The following CTDSPL variants were observed in gnomAD, a reference collection of about 807,000 sequenced individuals.
The protein encoded by CTDSPL is CTD small phosphatase-like protein.
Under a neutral mutation model 30.5 loss-of-function variants are expected in CTDSPL, and 8 were observed. The ratio of observed to expected loss-of-function variants is 0.26; its 90% confidence interval spans 0.15 to 0.47. The LOEUF is 0.47. Ranked by LOEUF, CTDSPL falls within the 20% of genes least tolerant of loss-of-function variation. The pLI is 0.99. For missense variants in CTDSPL, 248 were observed against 366.1 expected, an observed-to-expected ratio of 0.68 and a Z score of 2.63; for synonymous variants, 110 against 137.9, an observed-to-expected ratio of 0.80 and a Z score of 1.42.
At chr3:37,969,303 T>G in intron 5 of CTDSPL, 1 of 466,214 alleles carries the variant, frequency 2.1e-6, no homozygotes, top group South Asian at 1.6e-5. Context: ...CTGGCTGTGC[T>G]GTGATATCAC....
Position 37,975,273 on chromosome 3 carries a change from G to A in CTDSPL, c.520-436G>A, listed in dbSNP as rs1672705809. Among the ~76,000 whole-genome samples, 1 of 152,214 alleles carries A rather than the reference G, an allele frequency of 6.6e-6. No individual in the cohort carries two copies. The highest frequency in any genetic ancestry group is 2.4e-5 in the African/African-American group (1 of 41,456). Reference sequence around the variant, plus strand: ...GTGGGCCTTACTCCAAGTGCGGTGTGTAGACAGTGGAGAGTTTTCAGCAGA... The same window carrying A: ...GTGGGCCTTACTCCAAGTGCGGTGTATAGACAGTGGAGAGTTTTCAGCAGA... On this transcript the variant is annotated intron_variant, in intron 6 of 7. Coordinates refer to ENST00000273179, the MANE Select transcript of CTDSPL (RefSeq NM_001008392.2). The surrounding 1 kb of genome is among the most constrained non-coding windows in gnomAD (Gnocchi z 4.9).
chr3:37,892,709 A>G (rs893202180), intron 1 of CTDSPL, among the ~76,000 whole-genome samples: 1 of 152,182 alleles, frequency 6.6e-6, no homozygotes, highest in African/African-American at 2.4e-5. Flanking sequence ...TAAGCAGTTC[A>G]TTTAAACTCT....
chr3:37,920,937 C>T (rs1366003951), intron 1 of CTDSPL, among the ~76,000 whole-genome samples: 2 of 152,210 alleles, frequency 1.3e-5, no homozygotes, highest in Non-Finnish European at 2.9e-5. Flanking sequence ...CTCCTCAGCC[C>T]TATGGGCCAG....
At chr3:37,911,288 A>G (rs556510103) in intron 1 of CTDSPL, among the ~76,000 whole-genome samples, 4 of 152,366 alleles carry the variant, frequency 2.6e-5, no homozygotes, top group Admixed American at 6.5e-5. Flanking sequence ...CTCTAAGTTA[A>G]GAGGATAGTA....
chr3:37,939,792 C>T (rs1271567523), intron 1 of CTDSPL, among the ~76,000 whole-genome samples: 3 of 150,468 alleles, frequency 2.0e-5, no homozygotes, highest in African/African-American at 4.8e-5. Flanking sequence ...AGCCCAGCTT[C>T]TTTCAAGAAG....
chr3:37,948,261 G>A (rs1049455654), intron 2 of CTDSPL, among the ~76,000 whole-genome samples: 2 of 151,988 alleles, frequency 1.3e-5, no homozygotes, highest in African/African-American at 2.4e-5. Flanking sequence ...TCCAGCCTGA[G>A]TGACAAGACT....
chr3:37,920,968 C>G (rs1698706349), intron 1 of CTDSPL, among the ~76,000 whole-genome samples: 1 of 152,216 alleles, frequency 6.6e-6, no homozygotes, highest in Admixed American at 6.5e-5. Context: ...ATCCCAAGCC[C>G]TTTCTATCAC....
At position 37,984,274 on chromosome 3, in the gene CTDSPL, TC is replaced by T. The variant is rs754769358; in HGVS notation, c.*3412del. The T allele has an allele frequency of 2.2e-6, 1 of 456,716 alleles. No individual in the cohort carries two copies. Among genetic ancestry groups the T allele is most frequent in the South Asian group, 1.5e-5 (1 of 64,544 alleles). The allele number at this position is 456,716 out of a possible 1,614,324, so 28.3% of individuals were successfully genotyped here. Reference sequence around the variant, plus strand: ...AGCTTCTCTGCAGACTGACACACCCTCCCCCACCCCGGGTAGTGGAGATGCT... The same window carrying T: ...AGCTTCTCTGCAGACTGACACACCCTCCCCACCCCGGGTAGTGGAGATGCT... On this transcript the variant is annotated 3_prime_UTR_variant, in exon 8 of 8. Coordinates refer to ENST00000273179, the MANE Select transcript of CTDSPL (RefSeq NM_001008392.2).
chr3:37,976,466 T>TTTAGTACAAAA (rs1699429156), intron 7 of CTDSPL, among the ~76,000 whole-genome samples: 1 of 151,940 alleles, frequency 6.6e-6, no homozygotes, highest in South Asian at 2.1e-4. Flanking sequence ...ACCCTGTCTC[T>TTTAGTACAAAA]ACTAAATACA....
At chr3:37,928,889 C>T (rs1698817093) in intron 1 of CTDSPL, among the ~76,000 whole-genome samples, 1 of 152,122 alleles carries the variant, frequency 6.6e-6, no homozygotes, top group African/African-American at 2.4e-5. Flanking sequence ...CCTGTGTTTT[C>T]TTCTGGGCTT....
chr3:37,928,198 A>C (rs2125613858), intron 1 of CTDSPL, among the ~76,000 whole-genome samples: 1 of 152,344 alleles, frequency 6.6e-6, no homozygotes, highest in East Asian at 1.9e-4. Flanking sequence ...CATGGAGTAC[A>C]AATAGCTCTT....
intron 1 of CTDSPL, among the ~76,000 whole-genome samples, chr3:37,911,455 G>A (rs1254889740): frequency 1.3e-5 from 2 of 152,358 alleles, no homozygotes; most frequent in East Asian, 3.9e-4. Flanking sequence ...CCTGCAAGAT[G>A]TGGGAGCTCA....
chr3:37,874,513 C>T (rs1361852161), intron 1 of CTDSPL, among the ~76,000 whole-genome samples: 1 of 152,166 alleles, frequency 6.6e-6, no homozygotes, highest in East Asian at 1.9e-4. Flanking sequence ...AGGCAGATCA[C>T]GAGGTCAAGA....
At chr3:37,871,423 T>C (rs1698070091) in intron 1 of CTDSPL, among the ~76,000 whole-genome samples, 1 of 152,238 alleles carries the variant, frequency 6.6e-6, no homozygotes, top group Non-Finnish European at 1.5e-5. Flanking sequence ...AACATATGTG[T>C]GCAGGTCTTT....
intron 7 of CTDSPL, among the ~76,000 whole-genome samples, chr3:37,979,721 C>A (rs1699468239): frequency 6.6e-6 from 1 of 152,222 alleles, no homozygotes; most frequent in South Asian, 2.1e-4. Flanking sequence ...ATGATTGCCA[C>A]TGCACTCAAG....
At chr3:37,924,650 T>G (rs1337167832) in intron 1 of CTDSPL, among the ~76,000 whole-genome samples, 1 of 152,214 alleles carries the variant, frequency 6.6e-6, no homozygotes, top group Non-Finnish European at 1.5e-5. Context: ...TTCTGTGGAA[T>G]GCACGTGGTT....
intron 1 of CTDSPL, among the ~76,000 whole-genome samples, chr3:37,936,371 A>G (rs1377797381): frequency 6.6e-6 from 1 of 152,140 alleles, no homozygotes; most frequent in Non-Finnish European, 1.5e-5. Context: ...CTCAGCAGCC[A>G]CATCTGCTTT....
At chr3:37,887,815 C>T (rs76857891) in intron 1 of CTDSPL, among the ~76,000 whole-genome samples, 12 of 152,218 alleles carry the variant, frequency 7.9e-5, no homozygotes, top group South Asian at 2.1e-4. Flanking sequence ...AGCATAGATC[C>T]GAAGAATGAC....
chr3:37,922,695 A>T (rs1470872451), intron 1 of CTDSPL, among the ~76,000 whole-genome samples: 1 of 152,226 alleles, frequency 6.6e-6, no homozygotes, highest in Non-Finnish European at 1.5e-5. Context: ...TAGCATGGGC[A>T]CTTTGTCACT....
Sources: allele counts gnomAD v4.1 joint callset (sites outside exome capture counted in the v4.1 genomes callset), GRCh38; gene constraint gnomAD v4.1.1; non-coding constraint Gnocchi (gnomAD v3.1); transcripts MANE v1.5; gene names NCBI Gene and HGNC (gene_info 2026-07-23, HGNC 2026-07-21).